Variants in LRRC4C observed in about 807,000 individuals in gnomAD.
LRRC4C encodes leucine rich repeat containing 4C.
Under a neutral mutation model 33.6 loss-of-function variants are expected in LRRC4C, and 5 were observed. The ratio of observed to expected loss-of-function variants is 0.15; its 90% CI spans 0.08 to 0.31. The LOEUF (loss-of-function observed/expected upper bound fraction) is 0.31. Among genes scored for constraint, LRRC4C ranks in the 10% least tolerant of loss-of-function variants. The probability of loss-of-function intolerance (pLI) is 1.00; values close to 1 mark genes in which losing one functional copy is unlikely to be tolerated. For synonymous variants in LRRC4C, 329 were observed against 302.0 expected (o/e 1.09, Z -0.93); for missense variants, 560 against 796.7 (o/e 0.70, Z 3.58).
intron 1 of LRRC4C, among the ~76,000 whole-genome samples, chr11:40,935,572 T>G (rs1283841668): frequency 6.6e-6 from 1 of 152,224 alleles, no homozygotes; most frequent in African/African-American, 2.4e-5. Context: ...TACAGTAACA[T>G]GGTGTACAGG....
chr11:40,550,332 G>A (rs1441225442), intron 3 of LRRC4C, among the ~76,000 whole-genome samples: 2 of 152,062 alleles, frequency 1.3e-5, no homozygotes, highest in East Asian at 1.9e-4. Flanking sequence ...CCTCAAATGT[G>A]TCCTGCCCCA....
At chr11:40,762,864 T>C (rs1437628215) in intron 2 of LRRC4C, among the ~76,000 whole-genome samples, 1 of 151,998 alleles carries the variant, frequency 6.6e-6, no homozygotes, top group East Asian at 1.9e-4. Context: ...GATTTACTAC[T>C]GATACCCTTG....
chr11:41,177,303 T>C (rs778607060), intron 1 of LRRC4C, among the ~76,000 whole-genome samples: 2 of 152,132 alleles, frequency 1.3e-5, no homozygotes, highest in Non-Finnish European at 2.9e-5. Flanking sequence ...TAGGGAAGCG[T>C]TTTTGTTGAC....
chr11:40,225,282 A>G (rs1417601823), intron 5 of LRRC4C, among the ~76,000 whole-genome samples: 1 of 152,212 alleles, frequency 6.6e-6, no homozygotes, highest in Non-Finnish European at 1.5e-5. Flanking sequence ...TTTAACATTA[A>G]CTAATTAAGC....
chr11:40,127,791 A>G (rs1856363956), intron 6 of LRRC4C, among the ~76,000 whole-genome samples: 2 of 152,174 alleles, frequency 1.3e-5, no homozygotes, highest in African/African-American at 2.4e-5. Context: ...ACCAATGAAG[A>G]GAAAATTAGC....
chr11:41,033,297 A>G (rs1856832859), intron 1 of LRRC4C, among the ~76,000 whole-genome samples: 1 of 152,142 alleles, frequency 6.6e-6, no homozygotes, highest in East Asian at 1.9e-4. Context: ...GTTATTAACT[A>G]GAGTCTCAGG....
intron 1 of LRRC4C, among the ~76,000 whole-genome samples, chr11:41,342,744 A>C (rs961437875): frequency 1.3e-5 from 2 of 152,070 alleles, no homozygotes; most frequent in African/African-American, 4.8e-5. Context: ...AACAAACAAA[A>C]AACTCACTTA....
intron 1 of LRRC4C, among the ~76,000 whole-genome samples, chr11:41,204,325 C>T (rs190275597): frequency 1.0e-3 from 157 of 152,342 alleles, no homozygotes; most frequent in Non-Finnish European, 1.9e-3. Flanking sequence ...CTGAAACCAG[C>T]ATAATCTGGA....
intron 1 of LRRC4C, among the ~76,000 whole-genome samples, chr11:41,441,819 A>C (rs1955628972): frequency 6.6e-6 from 1 of 152,158 alleles, no homozygotes; most frequent in African/African-American, 2.4e-5. Flanking sequence ...AATGAGAAAA[A>C]TGAACTCCAA....
intron 1 of LRRC4C, among the ~76,000 whole-genome samples, chr11:40,942,809 G>C (rs1196726078): frequency 6.6e-6 from 1 of 152,134 alleles, no homozygotes; most frequent in African/African-American, 2.4e-5. Flanking sequence ...TAGTAATAAA[G>C]AAAAGATAAC....
rs557210714 is a variant in LRRC4C at position 41,409,830 on chromosome 11, G to GA, written c.-496+49600dup. On this transcript the variant is annotated intron_variant, in intron 1 of 6. Transcript: ENST00000528697. ...ACCCGTTTATAATCCAAAAAATTGC[G>GA]AAAAAAAATGAACTGAATATTTGTA... is the stretch of plus-strand genomic sequence containing the variant. Among the ~76,000 whole-genome samples, 179 of 151,808 alleles carry GA rather than the reference G, an allele frequency of 1.2e-3. 1 individual carries two copies. The highest frequency in any genetic ancestry group is 5.0e-3 in the East Asian group (26 of 5,170).
intron 1 of LRRC4C, among the ~76,000 whole-genome samples, chr11:40,942,659 C>A (rs1958209753): frequency 6.6e-6 from 1 of 152,056 alleles, no homozygotes; most frequent in African/African-American, 2.4e-5. Flanking sequence ...GTGGTTTGAC[C>A]TTATCCTGTA....
chr11:40,505,214 A>G (rs1201699646), intron 3 of LRRC4C, among the ~76,000 whole-genome samples: 1 of 152,140 alleles, frequency 6.6e-6, no homozygotes, highest in Non-Finnish European at 1.5e-5. Flanking sequence ...AGACATTTAA[A>G]GCTGGTGACC....
At chr11:41,160,361 C>T (rs776815356) in intron 1 of LRRC4C, among the ~76,000 whole-genome samples, 29 of 145,980 alleles carry the variant, frequency 2.0e-4, no homozygotes, top group Non-Finnish European at 2.7e-4. Context: ...GCCTAGGCAA[C>T]GTAGCAAGAC....
intron 1 of LRRC4C, among the ~76,000 whole-genome samples, chr11:41,171,039 C>T (rs1216366044): frequency 6.6e-6 from 1 of 151,986 alleles, no homozygotes; most frequent in Non-Finnish European, 1.5e-5. Flanking sequence ...AAATGCAAAT[C>T]AAAACCACAA....
chr11:40,207,825 A>G (rs1378450283), intron 5 of LRRC4C, among the ~76,000 whole-genome samples: 2 of 152,158 alleles, frequency 1.3e-5, no homozygotes, highest in Non-Finnish European at 2.9e-5. Context: ...GAAGAGTTAG[A>G]ACCATGAAAA....
At chr11:40,844,603 C>T (rs953750045) in intron 2 of LRRC4C, among the ~76,000 whole-genome samples, 1 of 152,118 alleles carries the variant, frequency 6.6e-6, no homozygotes, top group Non-Finnish European at 1.5e-5. Context: ...ACTATTAGAT[C>T]AACTAATCTT....
intron 1 of LRRC4C, among the ~76,000 whole-genome samples, chr11:41,359,814 C>A (rs188650718): frequency 1.3e-5 from 2 of 152,092 alleles, no homozygotes; most frequent in African/African-American, 4.8e-5. Flanking sequence ...CCATAGCCTG[C>A]GTGCTTAACC....
chr11:41,310,562 G>A (rs896647866), intron 1 of LRRC4C, among the ~76,000 whole-genome samples: 1 of 152,198 alleles, frequency 6.6e-6, no homozygotes, highest in African/African-American at 2.4e-5. Context: ...GGGTTAATGT[G>A]AAGATTAAAT....
Sources: allele counts gnomAD v4.1 joint callset (sites outside exome capture counted in the v4.1 genomes callset), GRCh38; gene constraint gnomAD v4.1.1; transcripts MANE v1.5; gene names NCBI Gene and HGNC (gene_info 2026-07-23, HGNC 2026-07-21).